DPP6: variants seen among roughly 807,000 people sequenced by gnomAD.
The protein encoded by DPP6 is dipeptidyl peptidase like 6, also known as A-type potassium channel modulatory protein DPP6.
DPP6 carries 69 observed loss-of-function variants against 122.6 expected under a neutral mutation model. The ratio of observed to expected loss-of-function variants is 0.56; its 90% CI spans 0.46 to 0.69. DPP6 has a LOEUF of 0.69. DPP6 is among the 30% of genes least tolerant of loss of function. The pLI is 0.00. For missense variants in DPP6, 928 were observed against 1,116.9 expected, an observed-to-expected ratio of 0.83 and a Z score of 2.41; for synonymous variants, 418 against 433.1, an observed-to-expected ratio of 0.97 and a Z score of 0.43.
the DPP6 span, among the ~76,000 whole-genome samples, chr7:153,757,347 A>T: frequency 6.6e-6 from 1 of 152,228 alleles, no homozygotes; most frequent in South Asian, 2.1e-4. Flanking sequence ...CGCACAGCAG[A>T]ACAAGTTCAT....
intron 1 of DPP6, among the ~76,000 whole-genome samples, chr7:153,978,061 A>G (rs1796399364): frequency 1.3e-5 from 2 of 152,340 alleles, no homozygotes; most frequent in East Asian, 1.9e-4. Flanking sequence ...TCCTTTGGGT[A>G]TATACCCAGT....
At chr7:153,772,395 G>A in the DPP6 span, among the ~76,000 whole-genome samples, 1 of 152,058 alleles carries the variant, frequency 6.6e-6, no homozygotes, top group Non-Finnish European at 1.5e-5. Flanking sequence ...GGAGAATAAT[G>A]TTATTTAAAG....
chr7:154,311,377 T>G (rs1030576379), intron 1 of DPP6, among the ~76,000 whole-genome samples: 1 of 151,922 alleles, frequency 6.6e-6, no homozygotes, highest in African/African-American at 2.4e-5. Context: ...ATGCCTGTTG[T>G]CCCAGTTACT....
chr7:154,059,194 G>C (rs1264351224), intron 1 of DPP6: 1 of 147,274 alleles, frequency 6.8e-6, no homozygotes, highest in African/African-American at 2.6e-5. Flanking sequence ...CGCAGGGTGG[G>C]GGAGGCACCC....
intron 7 of DPP6, among the ~76,000 whole-genome samples, chr7:154,695,898 C>T (rs1298272468): frequency 6.6e-6 from 1 of 152,204 alleles, no homozygotes; most frequent in Non-Finnish European, 1.5e-5. Context: ...CCTGATCAAA[C>T]AAGCGGACCG....
intron 1 of DPP6, among the ~76,000 whole-genome samples, chr7:153,945,553 C>T (rs13236040): frequency 1.3e-5 from 2 of 152,226 alleles, no homozygotes; most frequent in South Asian, 2.1e-4. Context: ...GAGAGCACCT[C>T]GTATAAGAAT....
Position 154,475,042 on chromosome 7 carries a change from G to A in DPP6, c.457+5G>A, listed in dbSNP as rs1400130959. 1.2e-6 allele frequency: 2 copies of A among 1,608,918 alleles called. No individual in the cohort carries two copies. The highest frequency in any genetic ancestry group is 1.7e-6 in the Non-Finnish European group (2 of 1,175,410). ...CCGAGGCTAAGTGGATAAGTGGTGA[G>A]TCCAGGTCCTTCGTGCACAAGACAT... is the stretch of plus-strand genomic sequence containing the variant. On this transcript the variant is annotated splice_donor_5th_base_variant and intron_variant, in intron 3 of 25. Coordinates refer to ENST00000377770, the MANE Select transcript of DPP6 (RefSeq NM_130797.4).
the DPP6 span, among the ~76,000 whole-genome samples, chr7:153,881,554 C>T: frequency 4.6e-4 from 70 of 152,298 alleles, no homozygotes; most frequent in African/African-American, 1.6e-3. Context: ...CCTTGCCTGT[C>T]CCTGTCTCCC....
chr7:154,827,974 G>C (rs1800311328), intron 16 of DPP6, among the ~76,000 whole-genome samples: 1 of 152,144 alleles, frequency 6.6e-6, no homozygotes, highest in Admixed American at 6.5e-5. Flanking sequence ...GGAAACTGGA[G>C]GCACACCTGC....
chr7:154,580,059 G>T (rs556315151), intron 5 of DPP6, among the ~76,000 whole-genome samples: 1 of 151,956 alleles, frequency 6.6e-6, no homozygotes, highest in Non-Finnish European at 1.5e-5. Flanking sequence ...TGAGTTTCCC[G>T]CGCGTCGGAG....
chr7:154,047,310 C>T (rs1800068265), intron 1 of DPP6, among the ~76,000 whole-genome samples: 1 of 145,396 alleles, frequency 6.9e-6, no homozygotes, highest in South Asian at 2.1e-4. Context: ...AGTGCAGAGA[C>T]TCATTCCTAT....
chr7:153,902,088 T>C (rs1799660647), intron 1 of DPP6, among the ~76,000 whole-genome samples: 1 of 152,246 alleles, frequency 6.6e-6, no homozygotes, highest in Non-Finnish European at 1.5e-5. Context: ...GAGAACACTT[T>C]TCTTATTTGA....
chr7:154,235,032 G>A (rs1170347470), intron 1 of DPP6, among the ~76,000 whole-genome samples: 1 of 152,226 alleles, frequency 6.6e-6, no homozygotes, highest in Non-Finnish European at 1.5e-5. Context: ...TTATTGAGAT[G>A]TAGTTTTTAC....
chr7:154,149,287 C>T (rs1445561882), intron 1 of DPP6, among the ~76,000 whole-genome samples: 14 of 152,284 alleles, frequency 9.2e-5, no homozygotes, highest in African/African-American at 2.2e-4. Context: ...AAGCACCTAG[C>T]GAAGCCCTCC....
chr7:154,036,939 A>C (rs993868464), intron 1 of DPP6, among the ~76,000 whole-genome samples: 1 of 152,210 alleles, frequency 6.6e-6, no homozygotes, highest in African/African-American at 2.4e-5. Flanking sequence ...GGGCCTGGTC[A>C]CCTGCAACCG....
At chr7:154,425,988 A>G (rs1235568490) in intron 1 of DPP6, among the ~76,000 whole-genome samples, 1 of 152,146 alleles carries the variant, frequency 6.6e-6, no homozygotes, top group Non-Finnish European at 1.5e-5. Context: ...ATTAAGTTTG[A>G]GGGTTACAGG....
chr7:154,749,044 T>C (rs1843181438), intron 8 of DPP6, among the ~76,000 whole-genome samples: 1 of 146,760 alleles, frequency 6.8e-6, no homozygotes, highest in Non-Finnish European at 1.5e-5. Context: ...GAGGCTTTAC[T>C]GAGAGAGGGT....
intron 4 of DPP6, among the ~76,000 whole-genome samples, chr7:154,548,286 C>T (rs1043473326): frequency 2.8e-5 from 4 of 141,940 alleles, no homozygotes; most frequent in South Asian, 2.3e-4. Context: ...GAAAAGAGGC[C>T]GGGCGCAGTG....
At chr7:154,879,560 C>T (rs1805185778) in intron 20 of DPP6, among the ~76,000 whole-genome samples, 1 of 87,880 alleles carries the variant, frequency 1.1e-5, no homozygotes, top group South Asian at 3.5e-4. Context: ...CACTGCACTC[C>T]AGCCTGGGCG....
Sources: gnomAD v4.1 joint callset for allele counts (sites outside exome capture counted in the v4.1 genomes callset) on GRCh38, gnomAD v4.1.1 for gene constraint, MANE v1.5 for transcripts, NCBI Gene and HGNC (gene_info 2026-07-23, HGNC 2026-07-21) for gene names.